The following DLGAP2 variants were observed in gnomAD, a reference collection of about 807,000 sequenced individuals.
DLGAP2 encodes the protein disks large-associated protein 2.
In DLGAP2, 26 loss-of-function variants were observed where a neutral mutation model predicts 100.3. That is an observed-to-expected ratio of 0.26 (90% CI 0.19 to 0.36). DLGAP2 has a LOEUF of 0.36. DLGAP2 is among the 10% of genes least tolerant of loss of function. The pLI is 1.00. For synonymous variants in DLGAP2, 886 were observed against 630.1 expected (o/e 1.41, Z -6.08); for missense variants, 1,858 against 1,453.2 (o/e 1.28, Z -4.53).
chr8:1,417,159 A>C (rs796279560), intron 3 of DLGAP2, among the ~76,000 whole-genome samples: 1,051 of 76,814 alleles, frequency 0.014, 57 homozygotes, highest in African/African-American at 0.055. Context: ...ACTCTGAGTG[A>C]AGGGGAAGCC....
intron 3 of DLGAP2, among the ~76,000 whole-genome samples, chr8:1,424,244 C>T (rs1018734508): frequency 6.6e-6 from 1 of 152,216 alleles, no homozygotes; most frequent in Non-Finnish European, 1.5e-5. Flanking sequence ...GTAAGAAAGT[C>T]ACAGCAAAAG....
At chr8:1,072,228 A>T (rs760179644) in intron 2 of DLGAP2, among the ~76,000 whole-genome samples, 3 of 152,098 alleles carry the variant, frequency 2.0e-5, no homozygotes, top group Non-Finnish European at 4.4e-5. Flanking sequence ...GAGCCTCCTG[A>T]TTGATGGTGT....
intron 2 of DLGAP2, among the ~76,000 whole-genome samples, chr8:1,039,668 AGCTCGGTG>A (rs1563158924): frequency 2.4e-5 from 2 of 84,992 alleles, no homozygotes; most frequent in Non-Finnish European, 4.5e-5. Flanking sequence ...GTGGGTGGTC[AGCTCGGTG>A]TGCGTGGTCA....
intron 2 of DLGAP2, among the ~76,000 whole-genome samples, chr8:1,220,469 T>C (rs1399560786): frequency 6.6e-6 from 1 of 152,166 alleles, no homozygotes; most frequent in Non-Finnish European, 1.5e-5. Context: ...TCCAAGAGTG[T>C]GCTTGGTATG....
chr8:917,081 A>C (rs1024676354), intron 2 of DLGAP2, among the ~76,000 whole-genome samples: 2 of 152,218 alleles, frequency 1.3e-5, no homozygotes, highest in Admixed American at 1.3e-4. Flanking sequence ...TCCTGCTTCA[A>C]AGTAAAACAC....
At chr8:807,842 C>T (rs1410441841) in intron 1 of DLGAP2, among the ~76,000 whole-genome samples, 1 of 152,066 alleles carries the variant, frequency 6.6e-6, no homozygotes, top group Non-Finnish European at 1.5e-5. Context: ...GGTGCTGGTG[C>T]ACAGGAATAA....
intron 3 of DLGAP2, among the ~76,000 whole-genome samples, chr8:1,295,472 C>T (rs142047504): frequency 2.0e-5 from 3 of 152,104 alleles, no homozygotes; most frequent in African/African-American, 4.8e-5. Flanking sequence ...CCCCCAGCCA[C>T]GTCAGCGGGA....
chr8:1,455,462 C>T (rs1798285721), intron 3 of DLGAP2, among the ~76,000 whole-genome samples: 1 of 152,026 alleles, frequency 6.6e-6, no homozygotes, highest in South Asian at 2.1e-4. Context: ...AAGATGTCAA[C>T]ATTCGGGCCT....
intron 3 of DLGAP2, among the ~76,000 whole-genome samples, chr8:1,475,159 A>G (rs1798897660): frequency 6.6e-6 from 1 of 152,178 alleles, no homozygotes; most frequent in Non-Finnish European, 1.5e-5. Flanking sequence ...GTGGGAGCTA[A>G]ACATTGGGCA....
intron 6 of DLGAP2, among the ~76,000 whole-genome samples, chr8:1,571,759 T>G (rs1284981546): frequency 2.2e-4 from 15 of 69,422 alleles, no homozygotes; most frequent in Admixed American, 7.6e-4. Flanking sequence ...GGGTGAACTG[T>G]GGGGGCGTCT....
intron 2 of DLGAP2, among the ~76,000 whole-genome samples, chr8:981,638 C>G (rs968961636): frequency 2.0e-5 from 3 of 152,074 alleles, no homozygotes; most frequent in Non-Finnish European, 4.4e-5. Flanking sequence ...GGTGGTATCT[C>G]ACTGTGTTTT....
chr8:848,352 G>A (rs1018061055), intron 1 of DLGAP2, among the ~76,000 whole-genome samples: 3 of 122,422 alleles, frequency 2.5e-5, no homozygotes, highest in African/African-American at 2.9e-5. Context: ...GTATAGGAAC[G>A]TGCGGTGCCT....
At chr8:850,558 T>C (rs1219549448) in intron 1 of DLGAP2, among the ~76,000 whole-genome samples, 1 of 152,210 alleles carries the variant, frequency 6.6e-6, no homozygotes, top group Non-Finnish European at 1.5e-5. Flanking sequence ...TATGTTTATG[T>C]ATATTTGTGT....
chr8:1,292,905 C>G (rs1180409711), intron 3 of DLGAP2, among the ~76,000 whole-genome samples: 1 of 152,154 alleles, frequency 6.6e-6, no homozygotes, highest in East Asian at 1.9e-4. Flanking sequence ...GGTCAGGGTC[C>G]CCTCTGAGTG....
chr8:1,208,865 AAAATAAAT>A (rs61478484), intron 2 of DLGAP2, among the ~76,000 whole-genome samples: 3,631 of 144,558 alleles, frequency 0.025, 105 homozygotes, highest in African/African-American at 0.066. Context: ...AATAGCTGCA[AAAATAAAT>A]AAATAAATAA....
intron 3 of DLGAP2, among the ~76,000 whole-genome samples, chr8:1,261,746 A>G (rs1799355087): frequency 6.6e-6 from 1 of 152,242 alleles, no homozygotes; most frequent in Non-Finnish European, 1.5e-5. Flanking sequence ...GCACTGTCAT[A>G]TGAATATTCA....
intron 1 of DLGAP2, among the ~76,000 whole-genome samples, chr8:860,937 C>T (rs1008887446): frequency 7.9e-5 from 12 of 152,186 alleles, no homozygotes; most frequent in African/African-American, 2.2e-4. Context: ...GAAGGCTGCT[C>T]GTGACCTGAA....
At chr8:744,041 C>T (rs574615701) in intron 1 of DLGAP2, among the ~76,000 whole-genome samples, 1 of 152,318 alleles carries the variant, frequency 6.6e-6, no homozygotes, top group Admixed American at 6.5e-5. Context: ...ATCTAAATGC[C>T]CAGACACCTG....
chr8:1,007,938 C>T (rs1218980537), intron 2 of DLGAP2, among the ~76,000 whole-genome samples: 3 of 152,148 alleles, frequency 2.0e-5, no homozygotes, highest in Admixed American at 6.5e-5. Flanking sequence ...GGCGCCCGGT[C>T]CGTCTCGCTG....
Sources: gnomAD v4.1 joint callset for allele counts (sites outside exome capture counted in the v4.1 genomes callset) on GRCh38, gnomAD v4.1.1 for gene constraint, MANE v1.5 for transcripts, NCBI Gene and HGNC (gene_info 2026-07-23, HGNC 2026-07-21) for gene names.